Variants in TANC2 observed in about 807,000 individuals in gnomAD.
TANC2 encodes tetratricopeptide repeat, ankyrin repeat and coiled-coil containing 2.
TANC2 carries 26 observed loss-of-function variants against 210.5 expected under a neutral mutation model. The observed-to-expected ratio is 0.12, with a 90% CI of 0.09 to 0.17. TANC2 has a LOEUF of 0.17. Ranked by LOEUF, TANC2 falls within the 10% of genes least tolerant of loss-of-function variation. TANC2 has a pLI of 1.00. For synonymous variants in TANC2, 931 were observed against 967.1 expected, an observed-to-expected ratio of 0.96 and a Z score of 0.69; for missense variants, 2,129 against 2,608.9, an observed-to-expected ratio of 0.82 and a Z score of 4.01.
chr17:63,345,479 C>T (rs899948452), intron 12 of TANC2, among the ~76,000 whole-genome samples: 5 of 151,948 alleles, frequency 3.3e-5, no homozygotes, highest in Non-Finnish European at 5.9e-5. Context: ...GTTAGCCGGG[C>T]GTGGTGGCAC....
chr17:63,176,218 T>C (rs1015983322), intron 5 of TANC2, among the ~76,000 whole-genome samples: 1 of 152,198 alleles, frequency 6.6e-6, no homozygotes, highest in African/African-American at 2.4e-5. Context: ...AATTAAAATA[T>C]ATGTCCACTT....
intron 14 of TANC2, among the ~76,000 whole-genome samples, chr17:63,378,753 T>C (rs1232910365): frequency 6.6e-6 from 1 of 152,158 alleles, no homozygotes; most frequent in Non-Finnish European, 1.5e-5. Context: ...TGGCAAACAC[T>C]GTGCTAGAGG....
chr17:63,270,677 T>G (rs1160345007), intron 9 of TANC2, among the ~76,000 whole-genome samples: 1 of 152,174 alleles, frequency 6.6e-6, no homozygotes, highest in Non-Finnish European at 1.5e-5. Context: ...ATAGGTTTTT[T>G]TTAACTTTTA....
Position 63,380,477 on chromosome 17 carries a change from G to T in TANC2, c.2691+651G>T, listed in dbSNP as rs2047570664. On this transcript the variant is annotated intron_variant, in intron 15 of 27. Coordinates refer to ENST00000689528, the Ensembl canonical transcript of TANC2. ...CTGAGGCATTAAACTGGGTACTAGA[G>T]ATACAAAAACAAAAAAGATACAATC... is the stretch of plus-strand genomic sequence containing the variant. Among the ~76,000 whole-genome samples, 3 of 152,260 alleles carry T rather than the reference G, an allele frequency of 2.0e-5. No individual in the cohort carries two copies. The South Asian group carries it at 6.2e-4, about 32-fold the overall frequency.
chr17:63,071,198 A>G (rs1406589711), intron 2 of TANC2, among the ~76,000 whole-genome samples: 3 of 152,154 alleles, frequency 2.0e-5, no homozygotes, highest in Admixed American at 2.0e-4. Flanking sequence ...TAGATTTCAT[A>G]GATGTGGGGA....
intron 9 of TANC2, among the ~76,000 whole-genome samples, chr17:63,295,023 A>C (rs2044491492): frequency 6.6e-6 from 1 of 152,218 alleles, no homozygotes; most frequent in Non-Finnish European, 1.5e-5. Flanking sequence ...CCCACAGAGA[A>C]TATTCATTAC....
intron 12 of TANC2, among the ~76,000 whole-genome samples, chr17:63,350,876 G>GAAA (rs374621938): frequency 1.6e-5 from 2 of 121,392 alleles, no homozygotes; most frequent in Non-Finnish European, 1.8e-5. Context: ...GTCAGATAGG[G>GAAA]AAAAAAAAAA....
At chr17:63,217,039 A>G (rs2042044812) in intron 7 of TANC2, among the ~76,000 whole-genome samples, 1 of 152,248 alleles carries the variant, frequency 6.6e-6, no homozygotes, top group African/African-American at 2.4e-5. Context: ...GTGAAAACAA[A>G]ACATATCAAA....
At chr17:63,002,743 A>G (rs894284383) in intron 1 of TANC2, among the ~76,000 whole-genome samples, 1 of 152,152 alleles carries the variant, frequency 6.6e-6, no homozygotes, top group Non-Finnish European at 1.5e-5. Flanking sequence ...AATGCAATGC[A>G]TATGCTTCTA....
At chr17:63,357,359 AT>A (rs2046809772) in intron 14 of TANC2, among the ~76,000 whole-genome samples, 1 of 152,204 alleles carries the variant, frequency 6.6e-6, no homozygotes, top group African/African-American at 2.4e-5. Flanking sequence ...ATACAGCCAT[AT>A]CATGACTATA....
At chr17:62,974,196 T>A (rs1477026662) in intron 1 of TANC2, among the ~76,000 whole-genome samples, 3 of 152,236 alleles carry the variant, frequency 2.0e-5, no homozygotes, top group Non-Finnish European at 4.4e-5. Context: ...GCTTTTGTAA[T>A]GATTTATCTC....
At chr17:63,416,613 A>G (rs1018995246) in intron 26 of TANC2, among the ~76,000 whole-genome samples, 1 of 152,226 alleles carries the variant, frequency 6.6e-6, no homozygotes, top group African/African-American at 2.4e-5. Flanking sequence ...CTCAGAGAAC[A>G]TAGCCATGAC....
chr17:63,126,590 A>G (rs1013526995), intron 4 of TANC2, among the ~76,000 whole-genome samples: 1 of 151,896 alleles, frequency 6.6e-6, no homozygotes, highest in Non-Finnish European at 1.5e-5. Flanking sequence ...TTATTTTTTA[A>G]TAGAGATGGA....
intron 3 of TANC2, among the ~76,000 whole-genome samples, chr17:63,096,582 A>G (rs553808775): frequency 6.6e-6 from 1 of 152,132 alleles, no homozygotes; most frequent in South Asian, 2.1e-4. Flanking sequence ...TCAGACCTTC[A>G]TTCTTTTTAT....
At chr17:63,079,176 AG>A (rs1295602917) in intron 3 of TANC2, among the ~76,000 whole-genome samples, 3 of 152,200 alleles carry the variant, frequency 2.0e-5, no homozygotes, top group African/African-American at 4.8e-5. Context: ...AGAAAAAGCC[AG>A]GGGATTTCCC....
intron 2 of TANC2, among the ~76,000 whole-genome samples, chr17:63,012,783 C>G (rs935049590): frequency 6.6e-6 from 1 of 152,082 alleles, no homozygotes; most frequent in Non-Finnish European, 1.5e-5. Context: ...TCTGGAGTAG[C>G]TAGGACTACA....
chr17:63,276,793 T>C (rs2043889918), intron 9 of TANC2, among the ~76,000 whole-genome samples: 1 of 152,174 alleles, frequency 6.6e-6, no homozygotes, highest in Non-Finnish European at 1.5e-5. Context: ...CATACATTTA[T>C]TGGAGTTCTT....
intron 1 of TANC2, among the ~76,000 whole-genome samples, chr17:62,972,848 C>G (rs1310194719): frequency 6.6e-6 from 1 of 152,048 alleles, no homozygotes; most frequent in Non-Finnish European, 1.5e-5. Context: ...TTATGAAGTT[C>G]TTTTTTTCAT....
At position 63,418,615 on chromosome 17, in the gene TANC2, C is replaced by T. The variant is rs1043983448; in HGVS notation, c.4268+208C>T. ...GGCTGTGGAGGCCACGAATGTTTCA[C>T]TTCGGGAGAAAAACACTTTTTCACT... On this transcript the variant is annotated intron_variant, in intron 27 of 27. Transcript: ENST00000689528. The surrounding 1 kb of genome is among the most constrained non-coding windows in gnomAD (Gnocchi z 4.6). 3.3e-5 allele frequency among the ~76,000 whole-genome samples: 5 copies of T among 152,226 alleles called. No homozygotes were observed. Among genetic ancestry groups the T allele is most frequent in the African/African-American group, 7.2e-5 (3 of 41,458 alleles).
Sources: gnomAD v4.1 joint callset for allele counts (sites outside exome capture counted in the v4.1 genomes callset) on GRCh38, gnomAD v4.1.1 for gene constraint, Gnocchi (gnomAD v3.1) non-coding constraint, MANE v1.5 for transcripts, NCBI Gene and HGNC (gene_info 2026-07-23, HGNC 2026-07-21) for gene names.